CDC73: variants seen among roughly 807,000 people sequenced by gnomAD.
The protein encoded by CDC73 is cell division cycle 73.
In CDC73, 21 loss-of-function variants were observed where a neutral mutation model predicts 83.7. That is an observed-to-expected ratio of 0.25 (90% CI 0.18 to 0.36). CDC73 has a LOEUF of 0.36. CDC73 is among the 10% of genes least tolerant of loss of function. The pLI is 1.00. For synonymous variants in CDC73, 224 were observed against 212.9 expected (o/e 1.05, Z -0.45); for missense variants, 342 against 653.3 (o/e 0.52, Z 5.19).
At chr1:193,143,709 A>T (rs1255788161) in intron 7 of CDC73, among the ~76,000 whole-genome samples, 1 of 152,216 alleles carries the variant, frequency 6.6e-6, no homozygotes, top group Non-Finnish European at 1.5e-5. Context: ...AGAATAAAAA[A>T]ATACCCTTAG....
chr1:193,222,100 A>C (rs1677480852), intron 13 of CDC73, among the ~76,000 whole-genome samples: 1 of 152,236 alleles, frequency 6.6e-6, no homozygotes, highest in African/African-American at 2.4e-5. Context: ...TGTATTATGG[A>C]AGTATTTTAA....
chr1:193,212,286 G>T, intron 12 of CDC73, 104 bp from the exon 13 acceptor site: 1 of 907,178 alleles, frequency 1.1e-6, no homozygotes, highest in South Asian at 1.7e-5. Context: ...ATATTTTTTA[G>T]ATCAAAAGTT....
intron 10 of CDC73, among the ~76,000 whole-genome samples, chr1:193,194,573 C>G (rs1328491549): frequency 6.6e-6 from 1 of 152,064 alleles, no homozygotes; most frequent in Non-Finnish European, 1.5e-5. Context: ...TATTAAACCT[C>G]AGAGAGACTT....
At chr1:193,206,751 C>T (rs995305983) in intron 11 of CDC73, among the ~76,000 whole-genome samples, 1 of 152,120 alleles carries the variant, frequency 6.6e-6, no homozygotes, top group Non-Finnish European at 1.5e-5. Context: ...AGTGAGATAC[C>T]TCAAGGGTGG....
At chr1:193,189,557 T>C (rs1214189492) in intron 10 of CDC73, among the ~76,000 whole-genome samples, 2 of 152,242 alleles carry the variant, frequency 1.3e-5, no homozygotes, top group South Asian at 2.1e-4. Flanking sequence ...TGGCTTGTAA[T>C]TGTCACTTGC....
At chr1:193,142,939 C>T (rs1237623406) in intron 7 of CDC73, among the ~76,000 whole-genome samples, 1 of 152,014 alleles carries the variant, frequency 6.6e-6, no homozygotes, top group Non-Finnish European at 1.5e-5. Context: ...TCAATTTTCT[C>T]TTAAATGTTT....
Position 193,122,154 on chromosome 1 carries a change from G to A in CDC73, c.-47G>A. ...GACAAGAGAAGAAGGAGGCAGGCGC[G>A]GCGGCAGCGGCGGCGCCCCGAGCCG... On this transcript the variant is annotated 5_prime_UTR_variant, in exon 1 of 17. Transcript: ENST00000367435. The A allele has an allele frequency of 1.9e-6, 3 of 1,594,336 alleles. No homozygotes were observed. Among genetic ancestry groups the A allele is most frequent in the South Asian group, 1.1e-5 (1 of 90,638 alleles).
chr1:193,239,295 T>C (rs1405888143), intron 15 of CDC73, among the ~76,000 whole-genome samples: 1 of 152,208 alleles, frequency 6.6e-6, no homozygotes, highest in African/African-American at 2.4e-5. Flanking sequence ...AGCTCTTGGT[T>C]GATCTTTCTG....
At chr1:193,231,168 TGTTTATAA>T (rs1191222966) in intron 13 of CDC73, among the ~76,000 whole-genome samples, 7 of 152,326 alleles carry the variant, frequency 4.6e-5, no homozygotes, top group East Asian at 1.9e-4. Flanking sequence ...TAAGTAATTT[TGTTTATAA>T]GTTTATAAGT....
intron 3 of CDC73, among the ~76,000 whole-genome samples, chr1:193,132,876 T>C (rs992473388): frequency 6.6e-6 from 1 of 151,312 alleles, no homozygotes. Flanking sequence ...CCTTTATCCA[T>C]CTATGTCATT....
At chr1:193,186,259 TC>T (rs1676804554) in intron 10 of CDC73, 1 of 152,458 alleles carries the variant, frequency 6.6e-6, no homozygotes, top group Admixed American at 6.6e-5. Flanking sequence ...TTTCTCTCTT[TC>T]GTTAAACAAA....
rs1262647821 is a variant in CDC73 at position 193,196,073 on chromosome 1, A to C, written c.973-7722A>C. Among the ~76,000 whole-genome samples, 4 of 152,156 alleles carry C rather than the reference A, an allele frequency of 2.6e-5. No individual in the cohort carries two copies. In the East Asian group the frequency reaches 5.8e-4, roughly 22 times the overall value. On this transcript the variant is annotated intron_variant, in intron 10 of 16. Transcript: ENST00000367435. ...TATCCAAGACATCAGTGCTAAATTC[A>C]GTTTCATGAAGCTTTTCCTCTGTTT...
At chr1:193,216,291 AC>A (rs549001339) in intron 13 of CDC73, among the ~76,000 whole-genome samples, 57 of 152,250 alleles carry the variant, frequency 3.7e-4, no homozygotes, top group African/African-American at 1.3e-3. Context: ...AATACAGAAA[AC>A]CCTCAGAGAC....
chr1:193,244,972 T>A (rs539545211), intron 15 of CDC73, among the ~76,000 whole-genome samples: 1 of 152,204 alleles, frequency 6.6e-6, no homozygotes, highest in East Asian at 1.9e-4. Context: ...TAGTAGACAA[T>A]GTATGTTAGA....
intron 8 of CDC73, among the ~76,000 whole-genome samples, chr1:193,148,374 C>T (rs1231895981): frequency 6.6e-6 from 1 of 152,142 alleles, no homozygotes; most frequent in Non-Finnish European, 1.5e-5. Flanking sequence ...CTCTTGATCA[C>T]CAGCCATGCT....
At chr1:193,177,547 A>T (rs950135902) in intron 10 of CDC73, among the ~76,000 whole-genome samples, 1 of 149,458 alleles carries the variant, frequency 6.7e-6, no homozygotes, top group African/African-American at 2.5e-5. Flanking sequence ...AAAAAAAAAA[A>T]GAACATGATC....
chr1:193,247,196 G>A (rs937864406), intron 15 of CDC73, among the ~76,000 whole-genome samples: 4 of 152,006 alleles, frequency 2.6e-5, no homozygotes, highest in South Asian at 2.1e-4. Context: ...TGTCCCTTTC[G>A]TATTGGTGAT....
intron 10 of CDC73, among the ~76,000 whole-genome samples, chr1:193,196,989 T>G (rs376411800): frequency 1.6e-4 from 25 of 152,210 alleles, no homozygotes; most frequent in East Asian, 9.6e-4. Flanking sequence ...ATAGAAGTGA[T>G]GAAAGTGGGC....
rs1008928063 is a variant in CDC73, at chr1:193,235,111, A to T, written c.1317-1145A>T. 4.6e-5 allele frequency among the ~76,000 whole-genome samples: 7 copies of T among 152,148 alleles called. No homozygotes were observed. In the East Asian group the frequency reaches 1.4e-3, roughly 29 times the overall value. ...CTGCAGACCTCAGGTCATTCCTAAG[A>T]CCCTTTCACAGAGTTGCAAGGTGAA... On this transcript the variant is annotated intron_variant, in intron 14 of 16. Transcript: ENST00000367435.
Sources: gnomAD v4.1 joint callset for allele counts (sites outside exome capture counted in the v4.1 genomes callset) on GRCh38, gnomAD v4.1.1 for gene constraint, MANE v1.5 for transcripts, NCBI Gene and HGNC (gene_info 2026-07-23, HGNC 2026-07-21) for gene names.